Variants in TMEM178B observed in about 807,000 individuals in gnomAD.
TMEM178B encodes the protein transmembrane protein 178B.
TMEM178B carries 5 observed loss-of-function variants against 31.0 expected under a neutral mutation model. That is an observed-to-expected ratio of 0.16 (90% CI 0.08 to 0.34). The LOEUF (loss-of-function observed/expected upper bound fraction) is 0.34, where lower values mean the gene tolerates loss of function less well. TMEM178B is among the 10% of genes least tolerant of loss of function. The probability of loss-of-function intolerance (pLI) is 1.00; values close to 1 mark genes in which losing one functional copy is unlikely to be tolerated. For missense variants in TMEM178B, 275 were observed against 400.3 expected, an observed-to-expected ratio of 0.69 and a Z score of 2.67; for synonymous variants, 164 against 164.0, an observed-to-expected ratio of 1.00 and a Z score of 0.00.
chr7:141,395,581 G>A (rs191759094), intron 2 of TMEM178B, among the ~76,000 whole-genome samples: 123 of 152,326 alleles, frequency 8.1e-4, no homozygotes, highest in Non-Finnish European at 1.2e-3. Context: ...CAAGGAAGCT[G>A]CAGCCTAGTG....
At chr7:141,278,892 G>A (rs2116394243) in intron 2 of TMEM178B, among the ~76,000 whole-genome samples, 1 of 152,308 alleles carries the variant, frequency 6.6e-6, no homozygotes, top group African/African-American at 2.4e-5. Flanking sequence ...GGAGATTAAA[G>A]GCAGGCAGAA....
At chr7:141,508,283 C>T in the TMEM178B span, among the ~76,000 whole-genome samples, 2 of 152,202 alleles carry the variant, frequency 1.3e-5, no homozygotes, top group Non-Finnish European at 2.9e-5. Context: ...GTCACCTTTA[C>T]TCCAGTTACC....
chr7:141,221,205 C>T (rs527537189), intron 2 of TMEM178B, among the ~76,000 whole-genome samples: 11 of 152,316 alleles, frequency 7.2e-5, no homozygotes, highest in East Asian at 1.9e-4. Context: ...TCTTTGTCCT[C>T]TAGGGGAACT....
At chr7:141,284,135 A>G (rs1324705999) in intron 2 of TMEM178B, among the ~76,000 whole-genome samples, 1 of 152,208 alleles carries the variant, frequency 6.6e-6, no homozygotes, top group Non-Finnish European at 1.5e-5. Flanking sequence ...AGGCTTAAGG[A>G]AACAAGCAAC....
chr7:141,360,088 G>C (rs2116544982), intron 2 of TMEM178B, among the ~76,000 whole-genome samples: 1 of 152,212 alleles, frequency 6.6e-6, no homozygotes, highest in South Asian at 2.1e-4. Flanking sequence ...ATTTGGGTGG[G>C]AACACAGCCA....
intron 2 of TMEM178B, among the ~76,000 whole-genome samples, chr7:141,360,196 C>T (rs1055317711): frequency 3.9e-5 from 6 of 152,278 alleles, no homozygotes; most frequent in African/African-American, 1.4e-4. Flanking sequence ...CATGACCATG[C>T]CTTTCTTACT....
intron 1 of TMEM178B, among the ~76,000 whole-genome samples, chr7:141,075,755 A>C (rs913006652): frequency 6.6e-6 from 1 of 152,212 alleles, no homozygotes; most frequent in African/African-American, 2.4e-5. Context: ...AAGGTGACAA[A>C]GATACTATTA....
intron 2 of TMEM178B, among the ~76,000 whole-genome samples, chr7:141,417,081 A>C (rs1801112571): frequency 6.6e-6 from 1 of 152,206 alleles, no homozygotes; most frequent in Non-Finnish European, 1.5e-5. Context: ...TGTACAGTGC[A>C]CTGTCGACGG....
chr7:141,442,749 A>G (rs2116690636), intron 3 of TMEM178B, among the ~76,000 whole-genome samples: 1 of 152,330 alleles, frequency 6.6e-6, no homozygotes, highest in East Asian at 1.9e-4. Context: ...CCACCTAGGC[A>G]TGCTCTACAC....
At chr7:141,500,304 C>T in the TMEM178B span, among the ~76,000 whole-genome samples, 1 of 152,154 alleles carries the variant, frequency 6.6e-6, no homozygotes, top group East Asian at 1.9e-4. Flanking sequence ...ATAATGAAGC[C>T]AATACTGCAG....
rs1563157512 is a variant in TMEM178B at position 141,344,626 on chromosome 7, T to TCCTTCCTTCCTTCCTC, written c.497-92979_497-92978insTCCTTCCTTCCTCCCT. On this transcript the variant is annotated intron_variant, in intron 2 of 3. Transcript: ENST00000565468. The surrounding 1 kb of genome is among the most constrained non-coding windows in gnomAD (Gnocchi z 4.1). Reference sequence around the variant, plus strand: ...TTCCTTCCTTCCTTCCTTCCTTCCTTCCTCCCTTCCTTCTTCCCTTCATCA... The same window carrying TCCTTCCTTCCTTCCTC: ...TTCCTTCCTTCCTTCCTTCCTTCCTTCCTTCCTTCCTTCCTCCCTCCCTTCCTTCTTCCCTTCATCA... 4.7e-5 allele frequency among the ~76,000 whole-genome samples: 6 copies of TCCTTCCTTCCTTCCTC among 127,490 alleles called. No individual in the cohort carries two copies. Among genetic ancestry groups the TCCTTCCTTCCTTCCTC allele is most frequent in the African/African-American group, 1.7e-4 (6 of 34,318 alleles). The allele number at this position is 127,490 out of a possible 152,430, so 83.6% of individuals were successfully genotyped here.
intron 2 of TMEM178B, among the ~76,000 whole-genome samples, chr7:141,365,178 A>T (rs867605072): frequency 3.9e-4 from 59 of 152,352 alleles, no homozygotes; most frequent in African/African-American, 1.3e-3. Context: ...TGCAGCTTTG[A>T]GAATGCTCCC....
At chr7:141,314,467 G>A (rs997293770) in intron 2 of TMEM178B, among the ~76,000 whole-genome samples, 3 of 152,288 alleles carry the variant, frequency 2.0e-5, no homozygotes, top group East Asian at 3.9e-4. Flanking sequence ...GTGAGCAATC[G>A]TGTGGTTGCT....
intron 2 of TMEM178B, among the ~76,000 whole-genome samples, chr7:141,345,396 G>A (rs187463204): frequency 6.6e-6 from 1 of 152,278 alleles, no homozygotes; most frequent in East Asian, 1.9e-4. Context: ...GAGAGTTTCT[G>A]GAAAAGTAGG....
At chr7:141,321,214 G>A (rs1471808121) in intron 2 of TMEM178B, among the ~76,000 whole-genome samples, 1 of 152,184 alleles carries the variant, frequency 6.6e-6, no homozygotes, top group Non-Finnish European at 1.5e-5. Context: ...ATTGACCAAG[G>A]AAGCTTAACT....
intron 1 of TMEM178B, among the ~76,000 whole-genome samples, chr7:141,104,894 G>A (rs564248692): frequency 1.3e-5 from 2 of 152,318 alleles, no homozygotes; most frequent in South Asian, 4.1e-4. Flanking sequence ...AATACAGTCA[G>A]ATCCTGAGGT....
chr7:141,460,627 C>G (rs567919823), intron 3 of TMEM178B, among the ~76,000 whole-genome samples: 54 of 152,310 alleles, frequency 3.5e-4, no homozygotes, highest in African/African-American at 1.3e-3. Flanking sequence ...ATGGACCAGT[C>G]CCTGTAGTCG....
At chr7:141,238,516 T>G (rs761534783) in intron 2 of TMEM178B, among the ~76,000 whole-genome samples, 7 of 152,166 alleles carry the variant, frequency 4.6e-5, no homozygotes, top group Non-Finnish European at 1.0e-4. Context: ...CCTGTGCAGT[T>G]GAACTACAGT....
intron 3 of TMEM178B, among the ~76,000 whole-genome samples, chr7:141,467,397 T>C (rs1469273101): frequency 6.6e-6 from 1 of 152,192 alleles, no homozygotes; most frequent in Non-Finnish European, 1.5e-5. Flanking sequence ...TGCATACATG[T>C]GTGACACAAA....
Sources: gnomAD v4.1 joint callset for allele counts (sites outside exome capture counted in the v4.1 genomes callset) on GRCh38, gnomAD v4.1.1 for gene constraint, Gnocchi (gnomAD v3.1) non-coding constraint, MANE v1.5 for transcripts, NCBI Gene and HGNC (gene_info 2026-07-23, HGNC 2026-07-21) for gene names.